NLRP14: variants seen among roughly 807,000 people sequenced by gnomAD.
The protein encoded by NLRP14 is NLR family pyrin domain containing 14.
In NLRP14, 105 loss-of-function variants were observed where a neutral mutation model predicts 94.7. The ratio of observed to expected loss-of-function variants is 1.11; its 90% CI spans 0.95 to 1.30. The LOEUF (loss-of-function observed/expected upper bound fraction) is 1.30, where lower values mean the gene tolerates loss of function less well. NLRP14 is among the 50% of genes most tolerant of loss of function. NLRP14 has a pLI of 0.00. For synonymous variants in NLRP14, 508 were observed against 459.9 expected, an observed-to-expected ratio of 1.10 and a Z score of -1.34; for missense variants, 1,362 against 1,254.1, an observed-to-expected ratio of 1.09 and a Z score of -1.30.
chr11:7,042,532 A>C lies in NLRP14; in HGVS notation c.506A>C (p.Asp169Ala). ...CTGTTGGAACACTTGTTCGATGTGG[A>C]TGTCAAAACCGGTGCACAGCCACAG... ...RKLLEHLFDV[D>A]VKTGAQPQIV... Residue 169 changes from aspartate (D) to alanine (A), a missense_variant, in exon 4 of 12, where the codon GAT (aspartate) becomes GCT (alanine). By Grantham distance (126) the Asp-to-Ala change is moderately radical. Coordinates refer to ENST00000299481, the MANE Select transcript of NLRP14 (RefSeq NM_176822.4). The C allele has an allele frequency of 6.2e-7, 1 of 1,614,224 alleles. No individual in the cohort carries two copies. The highest frequency in any genetic ancestry group is 1.1e-5 in the South Asian group (1 of 91,084).
chr11:7,043,747 C>T lies in NLRP14; in HGVS notation c.1721C>T (p.Pro574Leu). The T allele has an allele frequency of 1.2e-6, 2 of 1,614,088 alleles. No homozygotes were observed. The highest frequency in any genetic ancestry group is 1.7e-6 in the Non-Finnish European group (2 of 1,179,954). ...GTATTAGGAAACAGTGACTATTCTCCATCACAGCTGGGATTTCTGGAGTTG... is the reference window on the plus strand; with the variant it reads ...GTATTAGGAAACAGTGACTATTCTCTATCACAGCTGGGATTTCTGGAGTTG... ...MEVLGNSDYS[P>L]SQLGFLELFH... Residue 574 changes from proline (P) to leucine (L), a missense_variant, in exon 4 of 12, where the codon CCA (proline) becomes CTA (leucine). Transcript: ENST00000299481.
At chr11:7,056,411 T>C (rs1267734816) in intron 6 of NLRP14, among the ~76,000 whole-genome samples, 1 of 151,470 alleles carries the variant, frequency 6.6e-6, no homozygotes. Context: ...GATCTCTTCT[T>C]TGCAGCTGCA....
rs772684968 is a variant in NLRP14, at chr11:7,038,705, C to T, written c.119C>T (p.Pro40Leu). Residue 40 changes from proline (P) to leucine (L), a missense_variant, in exon 2 of 12, where the codon CCT (proline) becomes CTT (leucine). Coordinates refer to ENST00000299481, the MANE Select transcript of NLRP14 (RefSeq NM_176822.4). ...FKLFLKETME[P>L]EHGLTPWNEV... ...TTATTCCTAAAGGAGACCATGGAAC[C>T]TGAGCATGGCCTGACACCCTGGAAT... 1.9e-6 allele frequency: 3 copies of T among 1,614,040 alleles called. No individual in the cohort carries two copies. The Admixed American group carries it at 5.0e-5, about 27-fold the overall frequency.
chr11:7,030,874 A>G (rs900753559), intron 1 of NLRP14, among the ~76,000 whole-genome samples: 1 of 152,190 alleles, frequency 6.6e-6, no homozygotes, highest in African/African-American at 2.4e-5. Context: ...ACGTGCGCCC[A>G]CAGGTTTGCT....
At chr11:7,038,359 A>ATATACAG (rs1207578541) in intron 1 of NLRP14, among the ~76,000 whole-genome samples, 7 of 152,248 alleles carry the variant, frequency 4.6e-5, no homozygotes, top group Non-Finnish European at 8.8e-5. Context: ...GATGGAATAA[A>ATATACAG]TATACAGTAC....
At chr11:7,082,003 A>G in the NLRP14 span, among the ~76,000 whole-genome samples, 1 of 152,188 alleles carries the variant, frequency 6.6e-6, no homozygotes, top group Non-Finnish European at 1.5e-5. Context: ...GAATCACATC[A>G]TTAGCATAAA....
At chr11:7,057,969 T>G in intron 7 of NLRP14, 122 bp downstream of exon 7, 1 of 819,078 alleles carries the variant, frequency 1.2e-6, no homozygotes, top group Non-Finnish European at 2.2e-6. Flanking sequence ...CAATTCTGAA[T>G]AAGCTCTACA....
chr11:7,023,877 A>G (rs1212238698), intron 1 of NLRP14, among the ~76,000 whole-genome samples: 1 of 152,028 alleles, frequency 6.6e-6, no homozygotes, highest in Non-Finnish European at 1.5e-5. Context: ...TTAACCAGAT[A>G]TCATGAGAAC....
chr11:7,084,426 A>G, the NLRP14 span, among the ~76,000 whole-genome samples: 1 of 152,294 alleles, frequency 6.6e-6, no homozygotes, highest in Non-Finnish European at 1.5e-5. Context: ...GTCACCAGAA[A>G]TACCAAGCCA....
At chr11:7,089,776 G>A in the NLRP14 span, 1 of 1,587,928 alleles carries the variant, frequency 6.3e-7, no homozygotes, top group Non-Finnish European at 8.5e-7. Context: ...TCCAGAGACG[G>A]CTACTCGAGC....
the NLRP14 span, among the ~76,000 whole-genome samples, chr11:7,077,031 C>A: frequency 6.6e-6 from 1 of 152,166 alleles, no homozygotes; most frequent in East Asian, 1.9e-4. Flanking sequence ...AGTCACTGCC[C>A]GAAACACCTA....
chr11:7,087,623 T>C, the NLRP14 span, among the ~76,000 whole-genome samples: 1 of 152,186 alleles, frequency 6.6e-6, no homozygotes, highest in Admixed American at 6.5e-5. Flanking sequence ...AGTAAATTTA[T>C]AAACTTAGCA....
At chr11:7,035,336 A>C (rs887269976) in intron 1 of NLRP14, among the ~76,000 whole-genome samples, 3 of 152,044 alleles carry the variant, frequency 2.0e-5, no homozygotes, top group Non-Finnish European at 4.4e-5. Context: ...AAAAAAACGA[A>C]GTTGTTCACT....
At chr11:7,039,646 G>T (rs1243932885) in intron 2 of NLRP14, 68 bp from the exon 3 acceptor site, 4 of 1,262,248 alleles carry the variant, frequency 3.2e-6, no homozygotes, top group Non-Finnish European at 3.5e-6. Context: ...GCTGGCCTCT[G>T]TTCTAGCCAT....
At chr11:7,088,321 C>G in the NLRP14 span, among the ~76,000 whole-genome samples, 1 of 152,024 alleles carries the variant, frequency 6.6e-6, no homozygotes, top group African/African-American at 2.4e-5. Context: ...AAGGAAATAA[C>G]AAAGATGAGA....
Position 7,038,658 on chromosome 11 carries a change from A to C in NLRP14, c.72A>C (p.Lys24Asn), listed in dbSNP as rs1852197525. 1.9e-6 allele frequency: 3 copies of C among 1,613,784 alleles called. No individual in the cohort carries two copies. The Admixed American group carries it at 5.0e-5, about 27-fold the overall frequency. ...TATTGTATTTGGAGGAGCTAAACAA[A>C]GAGGAATTAAATACATTCAAGTTAT... ...GLLLYLEELNKEELNTFKLFL... is the reference protein window; with the variant it reads ...GLLLYLEELNNEELNTFKLFL... The change falls in exon 2 of 12, where the codon AAA becomes AAC. Residue 24 changes from lysine to asparagine, a missense_variant. Physicochemically the swap from Lys to Asn is moderately conservative, Grantham distance 94 (BLOSUM62 0). Transcript: ENST00000299481.
chr11:7,076,659 C>T, the NLRP14 span, among the ~76,000 whole-genome samples: 1 of 152,104 alleles, frequency 6.6e-6, no homozygotes, highest in Non-Finnish European at 1.5e-5. Context: ...ATCTCCCCCT[C>T]CCCTTTCCTA....
Position 7,033,279 on chromosome 11 carries a change from A to T in NLRP14, c.-21-5287A>T, listed in dbSNP as rs573286711. Among the ~76,000 whole-genome samples, 6 of 152,332 alleles carry T rather than the reference A, an allele frequency of 3.9e-5. No homozygotes were observed. In the South Asian group the frequency reaches 1.2e-3, roughly 32 times the overall value. ...TATTGGATATTTTCTAAGAACTTTA[A>T]TTGCTCTGTCATAGTGTATGTATAT... On this transcript the variant is annotated intron_variant, in intron 1 of 11. Transcript: ENST00000299481.
chr11:7,089,388 G>A, the NLRP14 span: 5 of 1,599,262 alleles, frequency 3.1e-6, no homozygotes, highest in Non-Finnish European at 4.3e-6. Context: ...ACCGGCGTTC[G>A]AGAGCAGCCG....
Sources: gnomAD v4.1 joint callset for allele counts (sites outside exome capture counted in the v4.1 genomes callset) on GRCh38, gnomAD v4.1.1 for gene constraint, MANE v1.5 for transcripts, NCBI Gene and HGNC (gene_info 2026-07-23, HGNC 2026-07-21) for gene names.